NEK7: variants seen among roughly 807,000 people sequenced by gnomAD.
NEK7 encodes serine/threonine-protein kinase Nek7.
Under a neutral mutation model 44.6 loss-of-function variants are expected in NEK7, and 18 were observed. The ratio of observed to expected loss-of-function variants is 0.40; its 90% confidence interval spans 0.28 to 0.60. The LOEUF is 0.60. Among genes scored for constraint, NEK7 ranks in the 20% least tolerant of loss-of-function variants. The pLI is 0.38. For missense variants in NEK7, 256 were observed against 366.5 expected (o/e 0.70, Z 2.46); for synonymous variants, 130 against 121.1 (o/e 1.07, Z -0.48).
intron 1 of NEK7, among the ~76,000 whole-genome samples, chr1:198,157,987 G>A (rs1663966687): frequency 6.6e-6 from 1 of 152,212 alleles, no homozygotes; most frequent in Admixed American, 6.5e-5. Flanking sequence ...AAGACCGTAT[G>A]ACCGCAGAAC....
rs545829574 is a variant in NEK7, at chr1:198,246,795, G to A, written c.58-6245G>A. 8.5e-5 allele frequency among the ~76,000 whole-genome samples: 13 copies of A among 152,326 alleles called. 1 individual carries two copies. The South Asian group carries it at 2.7e-3, about 32-fold the overall frequency. ...CAGTCAAATTTAAAGTATCTGAATT[G>A]TTTGATAGTGTTCCTAATGATGAAG... On this transcript the variant is annotated intron_variant, in intron 2 of 9. Transcript: ENST00000367385.
intron 1 of NEK7, among the ~76,000 whole-genome samples, chr1:198,231,469 C>T (rs769530877): frequency 3.0e-4 from 45 of 150,786 alleles, no homozygotes; most frequent in Middle Eastern, 3.5e-3. Flanking sequence ...TTGACTTTGC[C>T]TTATATCATA....
chr1:198,241,789 C>A (rs1170839087), intron 2 of NEK7, among the ~76,000 whole-genome samples: 2 of 152,118 alleles, frequency 1.3e-5, no homozygotes, highest in African/African-American at 4.8e-5. Flanking sequence ...CAAGTTTTTA[C>A]CTCATCAAGT....
chr1:198,250,692 G>T (rs1293538106), intron 2 of NEK7, among the ~76,000 whole-genome samples: 3 of 143,200 alleles, frequency 2.1e-5, no homozygotes, highest in Non-Finnish European at 4.5e-5. Context: ...GTCTGTTATT[G>T]GTGTATAAGA....
At chr1:198,173,226 C>A (rs566328500) in intron 1 of NEK7, among the ~76,000 whole-genome samples, 1 of 151,960 alleles carries the variant, frequency 6.6e-6, no homozygotes, top group South Asian at 2.1e-4. Context: ...ACTGGGAGTT[C>A]AAGACCAGCA....
At chr1:198,260,181 A>G (rs1285880539) in intron 3 of NEK7, among the ~76,000 whole-genome samples, 3 of 152,168 alleles carry the variant, frequency 2.0e-5, no homozygotes, top group African/African-American at 4.8e-5. Context: ...AGTTAAAACT[A>G]TGATGCTCTT....
intron 1 of NEK7, among the ~76,000 whole-genome samples, chr1:198,223,918 G>C (rs1666140920): frequency 6.6e-6 from 1 of 152,052 alleles, no homozygotes; most frequent in Non-Finnish European, 1.5e-5. Flanking sequence ...TAAAAATCTT[G>C]TAGAATAAAG....
intron 9 of NEK7, among the ~76,000 whole-genome samples, chr1:198,312,647 C>T (rs1301696254): frequency 6.6e-6 from 1 of 151,642 alleles, no homozygotes; most frequent in Admixed American, 6.6e-5. Context: ...TGTCTTTGTT[C>T]TCGTTGGTTT....
intron 1 of NEK7, among the ~76,000 whole-genome samples, chr1:198,195,056 A>G (rs148999629): frequency 6.6e-6 from 1 of 152,116 alleles, no homozygotes; most frequent in Non-Finnish European, 1.5e-5. Context: ...GAAGATATTG[A>G]TATTTGATAT....
chr1:198,277,760 C>A (rs1464437353), intron 5 of NEK7: 1 of 500,812 alleles, frequency 2.0e-6, no homozygotes, highest in East Asian at 3.3e-5. Context: ...TTTCCGCTAA[C>A]CTTAGTTATA....
intron 1 of NEK7, among the ~76,000 whole-genome samples, chr1:198,204,341 G>A (rs527882761): frequency 6.6e-6 from 1 of 152,300 alleles, no homozygotes; most frequent in South Asian, 2.1e-4. Context: ...TGTTGTTACA[G>A]TACCTAAAAT....
rs76884190 is a variant in NEK7 at position 198,241,300 on chromosome 1, C to T, written c.57+8663C>T. Among the ~76,000 whole-genome samples, 230 of 152,252 alleles carry T rather than the reference C, an allele frequency of 1.5e-3. 1 individual carries two copies. The highest frequency in any genetic ancestry group is 5.3e-3 in the African/African-American group (220 of 41,524). On this transcript the variant is annotated intron_variant, in intron 2 of 9. Coordinates refer to ENST00000367385, the MANE Select transcript of NEK7 (RefSeq NM_133494.3). ...TCACTAAATATTCATAAAACAAACA[C>T]AAATTTCAAAATTTGATGTTTTTCT...
rs1375044919 is a variant in NEK7, at chr1:198,231,299, G to GTATATATA, written c.-28-1253_-28-1252insATATATAT. The stretch of plus-strand genomic sequence containing the variant: ...TGTGTGTATATACGTGTATGTGTGT[G>GTATATATA]TGTATATATATATATATATATATAT... On this transcript the variant is annotated intron_variant, in intron 1 of 9. Transcript: ENST00000367385. 3.3e-3 allele frequency among the ~76,000 whole-genome samples: 327 copies of GTATATATA among 98,140 alleles called. 2 individuals carry two copies. The highest frequency in any genetic ancestry group is 0.011 in the African/African-American group (260 of 23,144). 64.4% of individuals were successfully genotyped at this position (98,140 alleles called of 152,430 possible). A position where few individuals can be genotyped will look rare whatever the true frequency, so the allele number is the denominator to read the frequency against.
chr1:198,250,428 T>A (rs1176901261), intron 2 of NEK7, among the ~76,000 whole-genome samples: 1 of 152,140 alleles, frequency 6.6e-6, no homozygotes, highest in Non-Finnish European at 1.5e-5. Flanking sequence ...AAGTCATTGG[T>A]AGCTTGATGG....
chr1:198,262,603 G>A lies in NEK7; in HGVS notation c.227G>A (p.Arg76His). 3.8e-6 allele frequency: 6 copies of A among 1,597,566 alleles called. No homozygotes were observed. Among genetic ancestry groups the A allele is most frequent in the East Asian group, 2.2e-5 (1 of 44,552 alleles). ...TTTGATTTAATGGATGCCAAAGCAC[G>A]TGCTGATTGCATCAAAGAAATAGAT... ...QIFDLMDAKA[R>H]ADCIKEIDLL... Residue 76 changes from arginine (R) to histidine (H), a missense_variant, in exon 4 of 10, where the codon CGT becomes CAT. By Grantham distance (29) the Arg-to-His change is conservative (BLOSUM62 0). Coordinates refer to ENST00000367385, the MANE Select transcript of NEK7 (RefSeq NM_133494.3).
chr1:198,281,251 C>T (rs901645527), intron 7 of NEK7, among the ~76,000 whole-genome samples: 9 of 151,998 alleles, frequency 5.9e-5, no homozygotes, highest in African/African-American at 2.2e-4. Flanking sequence ...AAGTATTACT[C>T]TGCTATGTTG....
chr1:198,181,310 A>C (rs1389451528), intron 1 of NEK7, among the ~76,000 whole-genome samples: 2 of 152,092 alleles, frequency 1.3e-5, no homozygotes, highest in African/African-American at 4.8e-5. Context: ...AAGATTCTTC[A>C]GTAAGGGTGT....
chr1:198,176,183 G>GA lies in NEK7; in HGVS notation c.-29+18907_-29+18908insA, dbSNP rs1301677547. On this transcript the variant is annotated intron_variant, in intron 1 of 9. Coordinates refer to ENST00000367385, the MANE Select transcript of NEK7 (RefSeq NM_133494.3). ...TATTGGATCTTCATGTGTGCCGAAG[G>GA]TATAAAAATGAAGAGCAAATAGATT... Among the ~76,000 whole-genome samples the GA allele has an allele frequency of 5.9e-5, 9 of 152,304 alleles. 1 individual carries two copies. In the South Asian group the frequency reaches 1.0e-3, roughly 18 times the overall value.
intron 1 of NEK7, among the ~76,000 whole-genome samples, chr1:198,196,687 G>T (rs905305722): frequency 6.6e-5 from 10 of 152,170 alleles, no homozygotes; most frequent in Middle Eastern, 3.2e-3. Context: ...CCACATGGTG[G>T]GCTGGGAGAA....
Sources: allele counts gnomAD v4.1 joint callset (sites outside exome capture counted in the v4.1 genomes callset), GRCh38; gene constraint gnomAD v4.1.1; transcripts MANE v1.5; gene names NCBI Gene and HGNC (gene_info 2026-07-23, HGNC 2026-07-21).